PDIA4: variants seen among roughly 807,000 people sequenced by gnomAD.
The protein encoded by PDIA4 is protein disulfide-isomerase A4.
In PDIA4, 33 loss-of-function variants were observed where a neutral mutation model predicts 62.1. That is an observed-to-expected ratio of 0.53 (90% CI 0.40 to 0.71). The LOEUF is 0.71. PDIA4 is among the 30% of genes least tolerant of loss of function. The probability of loss-of-function intolerance (pLI) is 0.00; values close to 1 mark genes in which losing one functional copy is unlikely to be tolerated. For missense variants in PDIA4, 804 were observed against 813.6 expected (o/e 0.99, Z 0.14); for synonymous variants, 341 against 324.1 (o/e 1.05, Z -0.56).
intron 1 of PDIA4, 133 bp downstream of exon 1, chr7:149,028,188 G>A: frequency 1.6e-6 from 1 of 643,020 alleles, no homozygotes; most frequent in South Asian, 1.9e-5. Flanking sequence ...GTTTACCCCG[G>A]GCTCGGCGCC....
intron 6 of PDIA4, among the ~76,000 whole-genome samples, chr7:149,010,392 C>G (rs960943956): frequency 1.3e-5 from 2 of 152,080 alleles, no homozygotes; most frequent in African/African-American, 4.8e-5. Context: ...ACTTGGGAGG[C>G]TGAGGTGGAA....
chr7:149,028,382 G>A lies in PDIA4; in HGVS notation c.27C>T (p.Leu9=), dbSNP rs147574962. Reference sequence around the variant, plus strand: ...GCTGCACCAGCCCCAAGAGCAGCAGGAGCAGGAAGGCTTTCCGGGGCCTCA... The same window carrying A: ...GCTGCACCAGCCCCAAGAGCAGCAGAAGCAGGAAGGCTTTCCGGGGCCTCA... MRPRKAFL[L]LLLLGLVQLL... The change falls in exon 1 of 10, where the codon CTC becomes CTT. Residue 9 remains leucine (L), a synonymous_variant. Transcript: ENST00000652332. 3.9e-6 allele frequency: 6 copies of A among 1,524,442 alleles called. No individual in the cohort carries two copies. In the Admixed American group the frequency reaches 8.1e-5, roughly 21 times the overall value. The allele number at this position is 1,524,442 out of a possible 1,614,324, so 94.4% of individuals were successfully genotyped here. A position where few individuals can be genotyped will look rare whatever the true frequency, so the allele number is the denominator to read the frequency against.
intron 6 of PDIA4, among the ~76,000 whole-genome samples, chr7:149,008,833 C>T (rs1048297435): frequency 1.3e-5 from 2 of 151,686 alleles, no homozygotes; most frequent in African/African-American, 2.4e-5. Context: ...CAAGGTATAA[C>T]GTCTAAATCC....
At chr7:149,015,163 T>G in intron 3 of PDIA4, 121 bp from the exon 4 acceptor site, 2 of 995,650 alleles carry the variant, frequency 2.0e-6, no homozygotes, top group South Asian at 3.3e-5. Flanking sequence ...GAACAGGAGG[T>G]GTCTGATTTC....
chr7:149,008,380 A>C (rs754266424), intron 6 of PDIA4, 70 bp from the exon 7 acceptor site: 34 of 1,481,058 alleles, frequency 2.3e-5, no homozygotes, highest in Non-Finnish European at 3.0e-5. Flanking sequence ...TTCGTTACCC[A>C]CATCAGCCAA....
chr7:149,009,080 G>T (rs111898264), intron 6 of PDIA4, among the ~76,000 whole-genome samples: 2,205 of 152,254 alleles, frequency 0.014, 58 homozygotes, highest in African/African-American at 0.05. Context: ...ATAGGCATAT[G>T]CCATCATGCC....
Position 149,028,471 on chromosome 7 carries a change from G to T in PDIA4, c.-63C>A. The T allele has an allele frequency of 8.4e-7, 1 of 1,185,400 alleles. No individual in the cohort carries two copies. Among genetic ancestry groups the T allele is most frequent in the South Asian group, 1.5e-5 (1 of 64,870 alleles). The allele number at this position is 1,185,400 out of a possible 1,614,324, so 73.4% of individuals were successfully genotyped here. A position where few individuals can be genotyped will look rare whatever the true frequency, so the allele number is the denominator to read the frequency against. On this transcript the variant is annotated 5_prime_UTR_variant, in exon 1 of 10. Coordinates refer to ENST00000652332, the MANE Select transcript of PDIA4 (RefSeq NM_004911.5). ...GCCGCTGAGCGCACCGAGAACTCGGGGTCTGGCCGACAGCCCGTCGCTCCT... is the reference window on the plus strand; with the variant it reads ...GCCGCTGAGCGCACCGAGAACTCGGTGTCTGGCCGACAGCCCGTCGCTCCT...
intron 9 of PDIA4, 57 bp from the exon 10 acceptor site, chr7:149,004,266 G>A: frequency 6.5e-7 from 1 of 1,532,078 alleles, no homozygotes; most frequent in Non-Finnish European, 8.9e-7. Flanking sequence ...CAAAGATTCT[G>A]GGGGCTCTCT....
intron 7 of PDIA4, 100 bp from the exon 8 acceptor site, chr7:149,006,153 G>A: frequency 8.2e-7 from 1 of 1,221,602 alleles, no homozygotes; most frequent in Non-Finnish European, 1.1e-6. Context: ...GACTTTGAAG[G>A]GGATCAGTCT....
At chr7:149,010,818 T>A (rs1292672091) in intron 6 of PDIA4, among the ~76,000 whole-genome samples, 1 of 152,188 alleles carries the variant, frequency 6.6e-6, no homozygotes, top group Non-Finnish European at 1.5e-5. Flanking sequence ...GTGCCAGGCC[T>A]GCCTGGGACC....
In PDIA4 at chr7:149,012,472, G is replaced by A. The variant is rs559785986; in HGVS notation, c.615-112C>T. ...CTCCCTAGTAACCTGGCCACACCCA[G>A]TAAGCCTCCGAATGCCTCCTAGACC... On this transcript the variant is annotated intron_variant, in intron 4 of 9. Transcript: ENST00000652332. The A allele has an allele frequency of 2.9e-5, 25 of 870,512 alleles. No homozygotes were observed. The South Asian group carries it at 3.6e-4, about 12-fold the overall frequency. 53.9% of individuals were successfully genotyped at this position (870,512 alleles called of 1,614,324 possible).
chr7:149,019,277 G>C (rs1824259708), intron 2 of PDIA4, 80 bp from the exon 3 acceptor site: 1 of 1,032,956 alleles, frequency 9.7e-7, no homozygotes, highest in Non-Finnish European at 1.5e-6. Flanking sequence ...ATACCACTTT[G>C]GTTTGGATGT....
intron 6 of PDIA4, among the ~76,000 whole-genome samples, 184 bp downstream of exon 6, chr7:149,011,662 G>A (rs1823948994): frequency 6.6e-6 from 1 of 152,212 alleles, no homozygotes; most frequent in Non-Finnish European, 1.5e-5. Flanking sequence ...GAGGCCAGGA[G>A]GGCCACAGGG....
At chr7:149,004,511 G>A (rs750208979) in intron 9 of PDIA4, among the ~76,000 whole-genome samples, 10 of 152,248 alleles carry the variant, frequency 6.6e-5, no homozygotes, top group African/African-American at 9.6e-5. Flanking sequence ...CTGAGGGCCC[G>A]GGAGCCATGG....
At chr7:149,015,979 T>C (rs1159657819) in intron 3 of PDIA4, among the ~76,000 whole-genome samples, 1 of 152,234 alleles carries the variant, frequency 6.6e-6, no homozygotes, top group African/African-American at 2.4e-5. Flanking sequence ...CGCATATGCC[T>C]GTTTACTTCA....
At chr7:149,014,759 C>T (rs1563121714) in intron 4 of PDIA4, 145 bp downstream of exon 4, 2 of 701,764 alleles carry the variant, frequency 2.8e-6, no homozygotes, top group Non-Finnish European at 4.8e-6. Flanking sequence ...ACGCTTCTTC[C>T]AGAAGACCTG....
intron 4 of PDIA4, among the ~76,000 whole-genome samples, 158 bp downstream of exon 4, chr7:149,014,746 T>C (rs1304602121): frequency 6.6e-6 from 1 of 152,144 alleles, no homozygotes; most frequent in Non-Finnish European, 1.5e-5. Context: ...CTCTCTTACA[T>C]CCACGCTTCT....
chr7:149,028,389 AAGGCTTTCCG>A lies in PDIA4; in HGVS notation c.10_19del (p.Arg4SerfsTer61). The stretch of plus-strand genomic sequence containing the variant: ...CAGCCCCAAGAGCAGCAGGAGCAGG[AAGGCTTTCCG>A]GGGCCTCATGGTAGCGGGGGCGGAG... On this transcript the variant is annotated frameshift_variant, in exon 1 of 10. Transcript: ENST00000652332. LOFTEE classifies it high-confidence loss of function. 6.6e-7 allele frequency: 1 copy of A among 1,522,500 alleles called. No homozygotes were observed. The highest frequency in any genetic ancestry group is 1.2e-5 in the South Asian group (1 of 81,696). The allele number at this position is 1,522,500 out of a possible 1,614,324, so 94.3% of individuals were successfully genotyped here.
intron 7 of PDIA4, among the ~76,000 whole-genome samples, chr7:149,007,517 C>T (rs1277603482): frequency 6.6e-6 from 1 of 152,030 alleles, no homozygotes; most frequent in Non-Finnish European, 1.5e-5. Context: ...CATCTAAGAT[C>T]CTTCCAAATC....
Sources: allele counts gnomAD v4.1 joint callset (sites outside exome capture counted in the v4.1 genomes callset), GRCh38; gene constraint gnomAD v4.1.1; transcripts MANE v1.5; gene names NCBI Gene and HGNC (gene_info 2026-07-23, HGNC 2026-07-21).